The following RCAN1 variants were observed in gnomAD, a reference collection of about 807,000 sequenced individuals.
RCAN1 encodes calcipressin-1.
A neutral mutation model predicts 22.9 loss-of-function variants in RCAN1; 11 were observed. The ratio of observed to expected loss-of-function variants is 0.48; its 90% CI spans 0.30 to 0.79. RCAN1 has a LOEUF of 0.79. RCAN1 is among the 30% of genes least tolerant of loss of function. The pLI, the probability that RCAN1 is intolerant of heterozygous loss-of-function variation, is 0.06. For synonymous variants in RCAN1, 136 were observed against 142.3 expected (o/e 0.96, Z 0.32); for missense variants, 291 against 337.8 (o/e 0.86, Z 1.09).
chr21:34,592,428 T>G (rs1383867293), intron 1 of RCAN1, among the ~76,000 whole-genome samples: 2 of 152,214 alleles, frequency 1.3e-5, no homozygotes, highest in African/African-American at 4.8e-5. Context: ...AGGGCTGGGC[T>G]GCTGTTCTTC....
chr21:34,547,542 TTGAA>T (rs967304921), intron 1 of RCAN1, among the ~76,000 whole-genome samples: 5 of 152,200 alleles, frequency 3.3e-5, no homozygotes, highest in Admixed American at 2.0e-4. Context: ...GTGCTATGGT[TTGAA>T]TGTGTCCCCC....
chr21:34,532,603 G>A (rs911640166), intron 1 of RCAN1, among the ~76,000 whole-genome samples: 1 of 152,222 alleles, frequency 6.6e-6, no homozygotes, highest in Non-Finnish European at 1.5e-5. Context: ...CTTTCTTCCT[G>A]TCACTGTCAT....
At chr21:34,539,252 G>C (rs1985812366) in intron 1 of RCAN1, among the ~76,000 whole-genome samples, 1 of 152,112 alleles carries the variant, frequency 6.6e-6, no homozygotes, top group South Asian at 2.1e-4. Context: ...CAAAAATATA[G>C]TTTTATGTAA....
At chr21:34,556,709 G>A (rs1206981247) in intron 1 of RCAN1, among the ~76,000 whole-genome samples, 2 of 152,080 alleles carry the variant, frequency 1.3e-5, no homozygotes, top group East Asian at 3.8e-4. Flanking sequence ...CTTTTCAAAA[G>A]GCTAAAAAAA....
chr21:34,560,275 T>G (rs1986740495), intron 1 of RCAN1: 1 of 152,186 alleles, frequency 6.6e-6, no homozygotes, highest in Non-Finnish European at 1.5e-5. Context: ...GGGAAAGAAG[T>G]CCACACTGGG....
chr21:34,518,283 C>T lies in RCAN1; in HGVS notation c.587-27G>A, dbSNP rs1461989062. 2.5e-6 allele frequency: 4 copies of T among 1,610,544 alleles called. No individual in the cohort carries two copies. The highest frequency in any genetic ancestry group is 3.4e-6 in the Non-Finnish European group (4 of 1,177,934). Reference sequence around the variant, plus strand: ...TAAGGAGGGAAAATAATCGCAGGGTCACTCAGACAAGTCCTTGGGAGTCAA... The same window carrying T: ...TAAGGAGGGAAAATAATCGCAGGGTTACTCAGACAAGTCCTTGGGAGTCAA... On this transcript the variant is annotated intron_variant, in intron 3 of 3. Transcript: ENST00000313806. This position sits in a 1 kb window ranked among gnomAD's most constrained non-coding sequence, Gnocchi z 4.2.
chr21:34,576,709 A>G (rs1987420993), intron 1 of RCAN1, among the ~76,000 whole-genome samples: 1 of 152,246 alleles, frequency 6.6e-6, no homozygotes, highest in South Asian at 2.1e-4. Flanking sequence ...GATGGAGTTT[A>G]CTGAGACTCT....
At chr21:34,521,014 C>T in intron 3 of RCAN1, 1 of 1,078,402 alleles carries the variant, frequency 9.3e-7, no homozygotes, top group Non-Finnish European at 1.1e-6. Context: ...CGCGGCCCTT[C>T]CCTCACCATG....
intron 1 of RCAN1, among the ~76,000 whole-genome samples, chr21:34,568,150 T>C (rs149091920): frequency 1.3e-3 from 200 of 152,306 alleles, no homozygotes; most frequent in African/African-American, 4.4e-3. Context: ...GAAGTGCACA[T>C]TGAAAGCTGA....
At chr21:34,540,645 T>G (rs1985872081) in intron 1 of RCAN1, among the ~76,000 whole-genome samples, 1 of 152,170 alleles carries the variant, frequency 6.6e-6, no homozygotes, top group South Asian at 2.1e-4. Flanking sequence ...AGTAACTGAC[T>G]CTTCCTTAGA....
At chr21:34,534,249 C>T (rs1806238700) in intron 1 of RCAN1, among the ~76,000 whole-genome samples, 1 of 152,084 alleles carries the variant, frequency 6.6e-6, no homozygotes, top group Non-Finnish European at 1.5e-5. Context: ...ACCCCCTCTG[C>T]AGTACCCACT....
rs147942193 is a variant in RCAN1 at position 34,519,896 on chromosome 21, T to C, written c.586+1603A>G. 2.4e-4 allele frequency among the ~76,000 whole-genome samples: 36 copies of C among 152,224 alleles called. No individual in the cohort carries two copies. The East Asian group carries it at 6.8e-3, about 29-fold the overall frequency. ...ATCACATGTGGGACTGGAATGTTAT[T>C]ATAACTGCACTGAAAAAGGCAAAGG... On this transcript the variant is annotated intron_variant, in intron 3 of 3. Transcript: ENST00000313806.
chr21:34,551,585 G>A (rs1568903310), intron 1 of RCAN1, among the ~76,000 whole-genome samples: 1 of 152,106 alleles, frequency 6.6e-6, no homozygotes, highest in Non-Finnish European at 1.5e-5. Flanking sequence ...TACAGCTGCT[G>A]AAGTTTCCAC....
intron 1 of RCAN1, among the ~76,000 whole-genome samples, chr21:34,556,761 G>A (rs903527119): frequency 1.3e-5 from 2 of 152,232 alleles, no homozygotes; most frequent in African/African-American, 2.4e-5. Context: ...TGAAGACCAA[G>A]TATTATTGAA....
rs961378146 is a variant in RCAN1 at position 34,607,161 on chromosome 21, G to A, written c.252+7599C>T. Among the ~76,000 whole-genome samples, 17 of 152,280 alleles carry A rather than the reference G, an allele frequency of 1.1e-4. No homozygotes were observed. In the East Asian group the frequency reaches 3.3e-3, roughly 29 times the overall value. On this transcript the variant is annotated intron_variant, in intron 1 of 3. Coordinates refer to ENST00000313806, the MANE Select transcript of RCAN1 (RefSeq NM_004414.7). ...ACCTTTCCAAGTTATAAAAGGTTTA[G>A]CTTCCCGAGTTCTTTGTTCAGAAAT...
At chr21:34,613,402 A>G (rs1988732538) in intron 1 of RCAN1, among the ~76,000 whole-genome samples, 1 of 152,240 alleles carries the variant, frequency 6.6e-6, no homozygotes, top group Non-Finnish European at 1.5e-5. Flanking sequence ...GACAGTACCT[A>G]TCCCGTAGCG....
At chr21:34,567,913 T>C (rs1469381166) in intron 1 of RCAN1, among the ~76,000 whole-genome samples, 1 of 152,236 alleles carries the variant, frequency 6.6e-6, no homozygotes, top group Non-Finnish European at 1.5e-5. Flanking sequence ...GTGAAATAGA[T>C]ATTTCCCTAT....
chr21:34,579,445 C>A (rs1987529526), intron 1 of RCAN1, among the ~76,000 whole-genome samples: 1 of 152,130 alleles, frequency 6.6e-6, no homozygotes, highest in Non-Finnish European at 1.5e-5. Context: ...AGATCTTTGA[C>A]CCCAGGCCTT....
At chr21:34,559,839 A>G (rs1457955611) in intron 1 of RCAN1, 1 of 152,224 alleles carries the variant, frequency 6.6e-6, no homozygotes, top group Non-Finnish European at 1.5e-5. Flanking sequence ...GCCAGCATCA[A>G]CATTCACATT....
Sources: gnomAD v4.1 joint callset for allele counts (sites outside exome capture counted in the v4.1 genomes callset) on GRCh38, gnomAD v4.1.1 for gene constraint, Gnocchi (gnomAD v3.1) non-coding constraint, MANE v1.5 for transcripts, NCBI Gene and HGNC (gene_info 2026-07-23, HGNC 2026-07-21) for gene names.